Variants in FAM193A observed in about 807,000 individuals in gnomAD.
The protein encoded by FAM193A is protein FAM193A.
Under a neutral mutation model 126.5 loss-of-function variants are expected in FAM193A, and 22 were observed. The observed-to-expected ratio is 0.17, with a 90% CI of 0.12 to 0.25. The LOEUF (loss-of-function observed/expected upper bound fraction) is 0.25. Ranked by LOEUF, FAM193A falls within the 10% of genes least tolerant of loss-of-function variation. The pLI, the probability that FAM193A is intolerant of heterozygous loss-of-function variation, is 1.00. For synonymous variants in FAM193A, 761 were observed against 646.8 expected (o/e 1.18, Z -2.68); for missense variants, 1,675 against 1,672.8 (o/e 1.00, Z -0.02).
At chr4:2,540,118 CA>C (rs35943546) in intron 1 of FAM193A, among the ~76,000 whole-genome samples, 52,845 of 137,776 alleles carry the variant, frequency 0.38, 10,733 homozygotes, top group Admixed American at 0.57. Context: ...AACTCTGTCT[CA>C]AAAAAAAAAA....
chr4:2,538,194 GTTC>G (rs1222532563), intron 1 of FAM193A, among the ~76,000 whole-genome samples: 1 of 150,668 alleles, frequency 6.6e-6, no homozygotes, highest in African/African-American at 2.4e-5. Context: ...GACACAAATT[GTTC>G]TTTTTTTTTT....
chr4:2,585,742 C>T (rs1429955948), intron 1 of FAM193A, among the ~76,000 whole-genome samples: 6 of 152,092 alleles, frequency 3.9e-5, no homozygotes, highest in African/African-American at 1.2e-4. Context: ...GCCTGGCCAA[C>T]ATGGCAAAAC....
chr4:2,689,758 A>G, intron 14 of FAM193A, 54 bp downstream of exon 14: 1 of 1,310,154 alleles, frequency 7.6e-7, no homozygotes, highest in Non-Finnish European at 1.1e-6. Flanking sequence ...GAGTAGACTG[A>G]CATCTTTGCC....
chr4:2,701,907 G>C (rs1237628182), intron 19 of FAM193A, among the ~76,000 whole-genome samples: 1 of 151,926 alleles, frequency 6.6e-6, no homozygotes, highest in Non-Finnish European at 1.5e-5. Context: ...CTCTCAAGTA[G>C]CTGGGATTAC....
At position 2,667,093 on chromosome 4, in the gene FAM193A, C is replaced by T. The variant is rs564122573; in HGVS notation, c.2079+3805C>T. ...TGTTGATGGCCTAACATATAGTTTA[C>T]CTAGATCCTGTTCTATGTGTACTTG... On this transcript the variant is annotated intron_variant, in intron 12 of 20. Coordinates refer to ENST00000637812, the MANE Select transcript of FAM193A (RefSeq NM_001366318.2). Among the ~76,000 whole-genome samples, 112 of 152,278 alleles carry T rather than the reference C, an allele frequency of 7.4e-4. 1 individual carries two copies. Among genetic ancestry groups the T allele is most frequent in the Admixed American group, 2.5e-3 (39 of 15,300 alleles).
chr4:2,694,268 GTTTT>G (rs1716777801), intron 16 of FAM193A, among the ~76,000 whole-genome samples: 1 of 151,908 alleles, frequency 6.6e-6, no homozygotes, highest in South Asian at 2.1e-4. Context: ...GTGTTTTTTT[GTTTT>G]TTGTTTTTTT....
chr4:2,622,551 G>T (rs546859325), intron 2 of FAM193A, among the ~76,000 whole-genome samples: 1 of 152,122 alleles, frequency 6.6e-6, no homozygotes, highest in South Asian at 2.1e-4. Context: ...GGTGGCGGGG[G>T]TGCTGCTTTA....
intron 1 of FAM193A, among the ~76,000 whole-genome samples, chr4:2,573,541 G>A (rs970741018): frequency 2.0e-5 from 3 of 151,798 alleles, no homozygotes; most frequent in Non-Finnish European, 2.9e-5. Context: ...GTCCGTGTGT[G>A]GATGTGTGTT....
At chr4:2,576,435 T>C (rs1281837511) in intron 1 of FAM193A, among the ~76,000 whole-genome samples, 3 of 152,188 alleles carry the variant, frequency 2.0e-5, no homozygotes, top group African/African-American at 7.2e-5. Context: ...TGCAGTGGCA[T>C]GTACCTATAG....
At chr4:2,650,451 C>A (rs150828777) in intron 7 of FAM193A, among the ~76,000 whole-genome samples, 4 of 152,280 alleles carry the variant, frequency 2.6e-5, no homozygotes, top group East Asian at 1.9e-4. Flanking sequence ...GGCTCACTCT[C>A]GTCACCGGGG....
intron 19 of FAM193A, among the ~76,000 whole-genome samples, chr4:2,707,138 AG>A (rs756223713): frequency 1.3e-5 from 2 of 152,010 alleles, no homozygotes; most frequent in Admixed American, 1.3e-4. Flanking sequence ...CAAAAAAAAA[AG>A]TTGTTGGTAT....
intron 2 of FAM193A, among the ~76,000 whole-genome samples, chr4:2,620,220 A>G (rs1384068484): frequency 6.6e-6 from 1 of 152,202 alleles, no homozygotes; most frequent in African/African-American, 2.4e-5. Flanking sequence ...TGTAGTCATC[A>G]TGTACCCTAT....
At chr4:2,676,954 T>G (rs914266575) in intron 13 of FAM193A, among the ~76,000 whole-genome samples, 1 of 151,688 alleles carries the variant, frequency 6.6e-6, no homozygotes, top group Non-Finnish European at 1.5e-5. Flanking sequence ...AAAAAAAAAA[T>G]TTTCATGCAG....
At chr4:2,542,591 T>C (rs1194988197) in intron 1 of FAM193A, among the ~76,000 whole-genome samples, 2 of 152,216 alleles carry the variant, frequency 1.3e-5, no homozygotes, top group Non-Finnish European at 2.9e-5. Context: ...TTCTGAAGCC[T>C]CTGAATTGTT....
chr4:2,575,901 C>T (rs191699057), intron 1 of FAM193A, among the ~76,000 whole-genome samples: 2 of 152,218 alleles, frequency 1.3e-5, no homozygotes, highest in East Asian at 3.9e-4. Context: ...GTGTTGCTTG[C>T]CATGGTCAGG....
At chr4:2,693,177 C>T (rs577662583) in intron 15 of FAM193A, among the ~76,000 whole-genome samples, 1 of 152,262 alleles carries the variant, frequency 6.6e-6, no homozygotes, top group Admixed American at 6.5e-5. Context: ...TGCCACCACG[C>T]CCAGCTAATT....
intron 20 of FAM193A, among the ~76,000 whole-genome samples, chr4:2,725,929 C>T (rs1027195375): frequency 7.3e-5 from 11 of 151,692 alleles, no homozygotes; most frequent in East Asian, 1.9e-4. Flanking sequence ...GATGGAGTCT[C>T]GCTCTGGCGC....
Position 2,690,977 on chromosome 4 carries a change from C to G in FAM193A, c.2803+7C>G. On this transcript the variant is annotated splice_region_variant and intron_variant, in intron 15 of 20. Transcript: ENST00000637812. ...AAGAGACCTCCTTCAGTAGGTAAGGCTTGAAGGCTCACTGGCCCTCGGGGT... is the reference window on the plus strand; with the variant it reads ...AAGAGACCTCCTTCAGTAGGTAAGGGTTGAAGGCTCACTGGCCCTCGGGGT... The G allele has an allele frequency of 1.2e-6, 2 of 1,606,432 alleles. No individual in the cohort carries two copies. Among genetic ancestry groups the G allele is most frequent in the Non-Finnish European group, 1.7e-6 (2 of 1,174,840 alleles).
At chr4:2,714,413 TTAACCTAA>T (rs1338343118) in intron 19 of FAM193A, among the ~76,000 whole-genome samples, 1 of 152,128 alleles carries the variant, frequency 6.6e-6, no homozygotes, top group East Asian at 1.9e-4. Context: ...TGCGTTTCCT[TTAACCTAA>T]TCTTTCCCTT....
Sources: gnomAD v4.1 joint callset for allele counts (sites outside exome capture counted in the v4.1 genomes callset) on GRCh38, gnomAD v4.1.1 for gene constraint, MANE v1.5 for transcripts, NCBI Gene and HGNC (gene_info 2026-07-23, HGNC 2026-07-21) for gene names.